The following PLCB1 variants were observed in gnomAD, a reference collection of about 807,000 sequenced individuals.
The protein encoded by PLCB1 is 1-phosphatidylinositol 4,5-bisphosphate phosphodiesterase beta-1.
PLCB1 carries 46 observed loss-of-function variants against 161.8 expected under a neutral mutation model. That is an observed-to-expected ratio of 0.28 (90% CI 0.22 to 0.36). The LOEUF is 0.36. Among genes scored for constraint, PLCB1 ranks in the 10% least tolerant of loss-of-function variants. The pLI, the probability that PLCB1 is intolerant of heterozygous loss-of-function variation, is 1.00. For synonymous variants in PLCB1, 517 were observed against 503.7 expected (o/e 1.03, Z -0.35); for missense variants, 1,016 against 1,472.5 (o/e 0.69, Z 5.07).
intron 4 of PLCB1, among the ~76,000 whole-genome samples, chr20:8,644,482 C>A (rs1360896956): frequency 6.6e-6 from 1 of 151,830 alleles, no homozygotes; most frequent in East Asian, 1.9e-4. Context: ...CTCTGCCCAG[C>A]CGCGACCCCG....
At chr20:8,486,472 T>C (rs1403114084) in intron 3 of PLCB1, among the ~76,000 whole-genome samples, 1 of 146,706 alleles carries the variant, frequency 6.8e-6, no homozygotes, top group Non-Finnish European at 1.5e-5. Context: ...GCTGCTTTTA[T>C]TCCAAAATAT....
intron 2 of PLCB1, among the ~76,000 whole-genome samples, chr20:8,195,787 T>C (rs950551472): frequency 6.6e-6 from 1 of 152,168 alleles, no homozygotes; most frequent in Admixed American, 6.6e-5. Flanking sequence ...AGTTACTTTA[T>C]GCAATGTCTC....
At chr20:8,448,952 T>C (rs955511675) in intron 3 of PLCB1, among the ~76,000 whole-genome samples, 1 of 152,180 alleles carries the variant, frequency 6.6e-6, no homozygotes. Flanking sequence ...GATTTTATGA[T>C]TCCATGATCA....
In PLCB1 at chr20:8,313,464, T is replaced by G. The variant is rs184887293; in HGVS notation, c.178-57918T>G. On this transcript the variant is annotated intron_variant, in intron 2 of 31. Coordinates refer to ENST00000338037, the MANE Select transcript of PLCB1 (RefSeq NM_015192.4). ...CCCTTTCAAGCCTCCACCTGTGTCT[T>G]ACTTCCTAAGATCTTATTGACTAAA... Among the ~76,000 whole-genome samples the G allele has an allele frequency of 7.2e-5, 11 of 152,254 alleles. No homozygotes were observed. In the East Asian group the frequency reaches 2.1e-3, roughly 29 times the overall value.
intron 2 of PLCB1, among the ~76,000 whole-genome samples, chr20:8,184,841 T>C (rs532536343): frequency 4.1e-4 from 62 of 150,858 alleles, no homozygotes; most frequent in African/African-American, 1.4e-3. Flanking sequence ...GTGCAGAATG[T>C]GCAGGTTTGT....
chr20:8,575,580 C>T (rs779552749), intron 3 of PLCB1, among the ~76,000 whole-genome samples: 3 of 152,168 alleles, frequency 2.0e-5, no homozygotes, highest in Non-Finnish European at 4.4e-5. Context: ...GATGAATTCC[C>T]CCGCTCTAGG....
chr20:8,139,581 A>T (rs2051382921), intron 1 of PLCB1, among the ~76,000 whole-genome samples: 1 of 142,182 alleles, frequency 7.0e-6, no homozygotes, highest in African/African-American at 2.8e-5. Flanking sequence ...TTTGCCATTA[A>T]AAAAAACATT....
At chr20:8,350,907 T>A (rs1986158345) in intron 2 of PLCB1, among the ~76,000 whole-genome samples, 1 of 152,168 alleles carries the variant, frequency 6.6e-6, no homozygotes, top group East Asian at 1.9e-4. Context: ...AGATTTAACA[T>A]TGTAAAGATA....
intron 3 of PLCB1, among the ~76,000 whole-genome samples, chr20:8,584,722 G>A (rs1045022438): frequency 2.6e-5 from 4 of 151,240 alleles, no homozygotes; most frequent in East Asian, 1.9e-4. Context: ...ACAGAGTCTC[G>A]CTCCGTCACC....
intron 2 of PLCB1, among the ~76,000 whole-genome samples, chr20:8,304,025 A>G (rs1227739141): frequency 6.6e-6 from 1 of 152,196 alleles, no homozygotes; most frequent in Non-Finnish European, 1.5e-5. Flanking sequence ...AGATCATCTC[A>G]GACTAAGAAG....
chr20:8,551,684 C>A (rs1198853226), intron 3 of PLCB1, among the ~76,000 whole-genome samples: 1 of 152,146 alleles, frequency 6.6e-6, no homozygotes, highest in African/African-American at 2.4e-5. Context: ...ACTGCACCAT[C>A]CCTGGAGCAT....
chr20:8,621,663 T>C (rs1988188845), intron 3 of PLCB1, among the ~76,000 whole-genome samples: 1 of 152,198 alleles, frequency 6.6e-6, no homozygotes, highest in South Asian at 2.1e-4. Flanking sequence ...ATGAGTGCTA[T>C]TTAAGTTTTA....
At chr20:8,403,234 G>A (rs1343935462) in intron 3 of PLCB1, among the ~76,000 whole-genome samples, 2 of 152,046 alleles carry the variant, frequency 1.3e-5, no homozygotes, top group Non-Finnish European at 1.5e-5. Flanking sequence ...GCCCCACAAA[G>A]CCAGGCACAG....
At chr20:8,434,760 C>T (rs1400062362) in intron 3 of PLCB1, among the ~76,000 whole-genome samples, 2 of 152,168 alleles carry the variant, frequency 1.3e-5, no homozygotes, top group Admixed American at 1.3e-4. Context: ...TGAGCTTAAC[C>T]AGTACCTCCA....
chr20:8,785,350 T>C (rs1329332878), intron 27 of PLCB1, among the ~76,000 whole-genome samples: 1 of 152,168 alleles, frequency 6.6e-6, no homozygotes, highest in Admixed American at 6.5e-5. Flanking sequence ...ACATTTCTAA[T>C]GTGCTCCCTG....
intron 2 of PLCB1, among the ~76,000 whole-genome samples, chr20:8,275,250 AGTGTGTGT>A (rs3031931): frequency 2.5e-4 from 36 of 145,372 alleles, no homozygotes; most frequent in Non-Finnish European, 4.7e-4. Context: ...CATCAGCGTG[AGTGTGTGT>A]GTGTGTGTGT....
At chr20:8,795,997 C>G (rs1984010419) in intron 31 of PLCB1, among the ~76,000 whole-genome samples, 1 of 151,948 alleles carries the variant, frequency 6.6e-6, no homozygotes, top group African/African-American at 2.4e-5. Context: ...TAAGAAGAAT[C>G]ATCTTTTGAG....
At chr20:8,718,964 T>A (rs748669364) in intron 14 of PLCB1, among the ~76,000 whole-genome samples, 3 of 152,186 alleles carry the variant, frequency 2.0e-5, no homozygotes, top group Admixed American at 6.5e-5. Flanking sequence ...CTTTTGAAGC[T>A]CCTAGAGGAT....
intron 2 of PLCB1, among the ~76,000 whole-genome samples, chr20:8,275,107 T>C (rs965435905): frequency 5.3e-5 from 8 of 152,274 alleles, no homozygotes; most frequent in African/African-American, 1.9e-4. Context: ...GAGCTGAATA[T>C]TTCACGTTCT....
Sources: gnomAD v4.1 joint callset for allele counts (sites outside exome capture counted in the v4.1 genomes callset) on GRCh38, gnomAD v4.1.1 for gene constraint, MANE v1.5 for transcripts, NCBI Gene and HGNC (gene_info 2026-07-23, HGNC 2026-07-21) for gene names.